CACNA2D3: variants seen among roughly 807,000 people sequenced by gnomAD.
CACNA2D3 encodes the protein calcium voltage-gated channel auxiliary subunit alpha2delta 3.
In CACNA2D3, 60 loss-of-function variants were observed where a neutral mutation model predicts 160.6. That is an observed-to-expected ratio of 0.37 (90% confidence interval 0.30 to 0.46). CACNA2D3 has a LOEUF of 0.46. CACNA2D3 is among the 20% of genes least tolerant of loss of function. The pLI is 1.00. For missense variants in CACNA2D3, 1,205 were observed against 1,365.0 expected (o/e 0.88, Z 1.85); for synonymous variants, 558 against 492.9 (o/e 1.13, Z -1.75).
In CACNA2D3 at chr3:55,074,536, A is replaced by ATAAAG. The variant is rs956220778; in HGVS notation, c.*333_*337dup. On this transcript the variant is annotated 3_prime_UTR_variant, in exon 38 of 38. Transcript: ENST00000474759. ...CAATTTAAAACTGTGTACTTTTTAA[A>ATAAAG]TAAAGTATATTAAAATCATAATCTC... 32 of 215,318 alleles carry ATAAAG rather than the reference A, an allele frequency of 1.5e-4. No individual in the cohort carries two copies. The highest frequency in any genetic ancestry group is 2.3e-4 in the East Asian group (2 of 8,572). 13.3% of individuals were successfully genotyped at this position (215,318 alleles called of 1,614,324 possible). A position where few individuals can be genotyped will look rare whatever the true frequency, so the allele number is the denominator to read the frequency against.
At chr3:54,557,036 C>T (rs187436741) in intron 5 of CACNA2D3, among the ~76,000 whole-genome samples, 5 of 151,796 alleles carry the variant, frequency 3.3e-5, no homozygotes, top group African/African-American at 1.2e-4. Flanking sequence ...TCTGTTTTTT[C>T]TTTTCCTATC....
At chr3:54,867,229 A>G (rs114990045) in intron 17 of CACNA2D3, among the ~76,000 whole-genome samples, 5 of 152,116 alleles carry the variant, frequency 3.3e-5, no homozygotes, top group African/African-American at 1.2e-4. Flanking sequence ...GAGATTGGGC[A>G]TGGGAGTTGG....
At chr3:54,123,941 A>G (rs1699532977) in intron 2 of CACNA2D3, among the ~76,000 whole-genome samples, 1 of 152,176 alleles carries the variant, frequency 6.6e-6, no homozygotes, top group Non-Finnish European at 1.5e-5. Context: ...ACTTCATCCA[A>G]GGGGCAGACT....
At chr3:54,368,627 G>A (rs1325798564) in intron 3 of CACNA2D3, among the ~76,000 whole-genome samples, 2 of 148,996 alleles carry the variant, frequency 1.3e-5, no homozygotes, top group Non-Finnish European at 3.0e-5. Context: ...ACTGGCATAT[G>A]TAGTGTAATC....
chr3:54,641,494 T>C (rs570927062), intron 10 of CACNA2D3, among the ~76,000 whole-genome samples: 2 of 152,182 alleles, frequency 1.3e-5, no homozygotes, highest in African/African-American at 4.8e-5. Context: ...CCTGAAAAGA[T>C]GTCAAAGTCT....
intron 2 of CACNA2D3, among the ~76,000 whole-genome samples, chr3:54,205,255 A>AT (rs991204727): frequency 2.6e-5 from 4 of 151,864 alleles, no homozygotes; most frequent in South Asian, 2.1e-4. Flanking sequence ...GGGGGATGGG[A>AT]TTTTTTTTGT....
intron 17 of CACNA2D3, among the ~76,000 whole-genome samples, chr3:54,867,241 C>A (rs1201022445): frequency 4.6e-5 from 7 of 152,114 alleles, no homozygotes; most frequent in Admixed American, 3.9e-4. Flanking sequence ...GGGAGTTGGA[C>A]ATATGAGAAT....
At chr3:54,436,584 A>G (rs1328123962) in intron 4 of CACNA2D3, among the ~76,000 whole-genome samples, 1 of 152,252 alleles carries the variant, frequency 6.6e-6, no homozygotes, top group East Asian at 1.9e-4. Flanking sequence ...TACACCATGG[A>G]ATACTATGCA....
intron 13 of CACNA2D3, among the ~76,000 whole-genome samples, chr3:54,794,530 T>A (rs979160127): frequency 6.6e-6 from 1 of 152,160 alleles, no homozygotes; most frequent in Non-Finnish European, 1.5e-5. Flanking sequence ...TTGGAATAAT[T>A]TTTCTTCAGT....
chr3:54,864,884 A>G (rs1037504568), intron 17 of CACNA2D3, among the ~76,000 whole-genome samples: 2 of 152,114 alleles, frequency 1.3e-5, no homozygotes, highest in East Asian at 1.9e-4. Context: ...CCATGTCACC[A>G]CGTGACCTGC....
chr3:55,071,303 T>A (rs1704799329), intron 35 of CACNA2D3, among the ~76,000 whole-genome samples: 1 of 152,206 alleles, frequency 6.6e-6, no homozygotes, highest in Non-Finnish European at 1.5e-5. Flanking sequence ...GCCCTTTTAA[T>A]ATGTGAATCT....
intron 35 of CACNA2D3, among the ~76,000 whole-genome samples, chr3:55,049,492 T>C (rs1158515330): frequency 7.4e-6 from 1 of 135,754 alleles, no homozygotes; most frequent in Admixed American, 7.3e-5. Flanking sequence ...TTCTGTTCTT[T>C]TACATTTGCT....
chr3:55,012,115 C>T (rs1206307140), intron 34 of CACNA2D3, among the ~76,000 whole-genome samples: 1 of 152,152 alleles, frequency 6.6e-6, no homozygotes, highest in Non-Finnish European at 1.5e-5. Flanking sequence ...GGTAGCCTTT[C>T]TCTGCTTCTT....
intron 4 of CACNA2D3, among the ~76,000 whole-genome samples, chr3:54,442,880 G>C (rs1700166189): frequency 6.6e-6 from 1 of 152,172 alleles, no homozygotes; most frequent in African/African-American, 2.4e-5. Context: ...CGCTATTTGA[G>C]ATGAGGGTCA....
intron 4 of CACNA2D3, among the ~76,000 whole-genome samples, chr3:54,488,927 A>G (rs1434305671): frequency 6.6e-6 from 1 of 152,166 alleles, no homozygotes; most frequent in Non-Finnish European, 1.5e-5. Flanking sequence ...GGCACATGAT[A>G]ACTGAGCTGA....
At chr3:54,505,483 T>G (rs1195864019) in intron 5 of CACNA2D3, among the ~76,000 whole-genome samples, 1 of 152,186 alleles carries the variant, frequency 6.6e-6, no homozygotes, top group Non-Finnish European at 1.5e-5. Context: ...TACTTTGGGC[T>G]CTTCCTTAGA....
chr3:54,134,875 C>G (rs1049678201), intron 2 of CACNA2D3, among the ~76,000 whole-genome samples: 1 of 152,244 alleles, frequency 6.6e-6, no homozygotes, highest in Non-Finnish European at 1.5e-5. Context: ...TCTGCAGTAC[C>G]AAGCTGAGCA....
chr3:54,130,405 A>G (rs1253536616), intron 2 of CACNA2D3, among the ~76,000 whole-genome samples: 2 of 152,226 alleles, frequency 1.3e-5, no homozygotes, highest in East Asian at 3.8e-4. Context: ...CATTGGCCTT[A>G]AGCAGTGGCA....
At chr3:54,551,254 A>G (rs1213116291) in intron 5 of CACNA2D3, among the ~76,000 whole-genome samples, 3 of 152,048 alleles carry the variant, frequency 2.0e-5, no homozygotes, top group African/African-American at 4.8e-5. Context: ...TTTTACCCCA[A>G]TGAGCTGTGC....
Sources: allele counts gnomAD v4.1 joint callset (sites outside exome capture counted in the v4.1 genomes callset), GRCh38; gene constraint gnomAD v4.1.1; transcripts MANE v1.5; gene names NCBI Gene and HGNC (gene_info 2026-07-23, HGNC 2026-07-21).